Variants in NR2F2 observed in about 807,000 individuals in gnomAD.
NR2F2 encodes the protein nuclear receptor subfamily 2 group F member 2, also known as COUP transcription factor 2.
Under a neutral mutation model 34.8 loss-of-function variants are expected in NR2F2, and 2 were observed. The observed-to-expected ratio is 0.06, with a 90% CI of 0.02 to 0.18. The LOEUF is 0.18. NR2F2 is among the 10% of genes least tolerant of loss of function. The probability of loss-of-function intolerance (pLI) is 1.00; values close to 1 mark genes in which losing one functional copy is unlikely to be tolerated. For synonymous variants in NR2F2, 274 were observed against 251.8 expected, an observed-to-expected ratio of 1.09 and a Z score of -0.84; for missense variants, 300 against 580.1, an observed-to-expected ratio of 0.52 and a Z score of 4.96.
At position 96,339,344 on chromosome 15, in the gene NR2F2, C is replaced by T. The variant is rs1373351167; in HGVS notation, c.*1722C>T. The T allele has an allele frequency of 1.3e-5, 2 of 152,114 alleles. No homozygotes were observed. The highest frequency in any genetic ancestry group is 4.8e-5 in the African/African-American group (2 of 41,408). 9.4% of individuals were successfully genotyped at this position (152,114 alleles called of 1,614,324 possible). On this transcript the variant is annotated 3_prime_UTR_variant, in exon 3 of 3. Coordinates refer to ENST00000394166, the MANE Select transcript of NR2F2 (RefSeq NM_021005.4). ...CGATTTTTTAAAATATTCTGTGATT[C>T]TACTCTAGCGTGGTTGTTGAGAGAG...
chr15:96,339,189 A>G lies in NR2F2; in HGVS notation c.*1567A>G, dbSNP rs1218128789. The G allele has an allele frequency of 1.3e-5, 2 of 152,116 alleles. No individual in the cohort carries two copies. Among genetic ancestry groups the G allele is most frequent in the Non-Finnish European group, 2.9e-5 (2 of 68,010 alleles). 9.4% of individuals were successfully genotyped at this position (152,116 alleles called of 1,614,324 possible). A position where few individuals can be genotyped will look rare whatever the true frequency, so the allele number is the denominator to read the frequency against. ...ATTAGAAATCTTGAGATCAGTATCT[A>G]TTTTATGATCAGAAAAAAATACTCT... On this transcript the variant is annotated 3_prime_UTR_variant, in exon 3 of 3. Transcript: ENST00000394166.
chr15:96,339,499 C>T lies in NR2F2; in HGVS notation c.*1877C>T, dbSNP rs1471671267. The T allele has an allele frequency of 6.6e-6, 1 of 152,086 alleles. No homozygotes were observed. The highest frequency in any genetic ancestry group is 1.5e-5 in the Non-Finnish European group (1 of 68,014). 9.4% of individuals were successfully genotyped at this position (152,086 alleles called of 1,614,324 possible). On this transcript the variant is annotated 3_prime_UTR_variant, in exon 3 of 3. Coordinates refer to ENST00000394166, the MANE Select transcript of NR2F2 (RefSeq NM_021005.4). ...GTCTGTGAGAGCATGACCACAGGGT[C>T]AAGGGAATCTTTTCCATTGGAGTTA...
rs1015840699 is a variant in NR2F2 at position 96,331,329 on chromosome 15, C to G, written c.-777C>G. The G allele has an allele frequency of 2.5e-4, 301 of 1,193,288 alleles. 1 individual carries two copies. The highest frequency in any genetic ancestry group is 2.9e-4 in the Non-Finnish European group (282 of 963,368). The allele number at this position is 1,193,288 out of a possible 1,614,324, so 73.9% of individuals were successfully genotyped here. ...CGCCAGGACGACGCCGCGCAGCGCC[C>G]GACGCGGACCACTTTCATGCTGATT... On this transcript the variant is annotated 5_prime_UTR_variant, in exon 1 of 3. Coordinates refer to ENST00000394166, the MANE Select transcript of NR2F2 (RefSeq NM_021005.4).
At chr15:96,337,243 C>A in intron 2 of NR2F2, 105 bp from the exon 3 acceptor site, 1 of 1,345,316 alleles carries the variant, frequency 7.4e-7, no homozygotes, top group Non-Finnish European at 1.0e-6. Context: ...GCACACACCT[C>A]ATGTGACCCA....
rs1899405454 is a variant in NR2F2 at position 96,338,656 on chromosome 15, GT to G, written c.*1037del. On this transcript the variant is annotated 3_prime_UTR_variant, in exon 3 of 3. Transcript: ENST00000394166. Reference sequence around the variant, plus strand: ...TTGATTCAGTATCTTAGAGTTTACAGTTTGTGTTTTAAAAAAACTGAAGGTT... The same window carrying G: ...TTGATTCAGTATCTTAGAGTTTACAGTTGTGTTTTAAAAAAACTGAAGGTT... 6.6e-6 allele frequency: 1 copy of G among 152,170 alleles called. No individual in the cohort carries two copies. The highest frequency in any genetic ancestry group is 2.4e-5 in the African/African-American group (1 of 41,310). 9.4% of individuals were successfully genotyped at this position (152,170 alleles called of 1,614,324 possible).
upstream of NR2F2, among the ~76,000 whole-genome samples, chr15:96,330,022 GTTAA>G (rs1338233990): frequency 1.3e-5 from 2 of 152,288 alleles, no homozygotes; most frequent in East Asian, 3.9e-4. Context: ...AGTGATCAGA[GTTAA>G]TTAAGAGAAG....
chr15:96,330,921 C>A lies in NR2F2; in HGVS notation c.-1185C>A, dbSNP rs1423296497. On this transcript the variant is annotated 5_prime_UTR_variant, in exon 1 of 3. Transcript: ENST00000394166. ...TTTCCCCTCTTTCATTCTTTCTCTC[C>A]GTCTTTTTCTCCCCCCTCTGCGCAC... is the stretch of plus-strand genomic sequence containing the variant. The A allele has an allele frequency of 8.9e-7, 1 of 1,129,780 alleles. No individual in the cohort carries two copies. The highest frequency in any genetic ancestry group is 1.1e-6 in the Non-Finnish European group (1 of 920,884). 70.0% of individuals were successfully genotyped at this position (1,129,780 alleles called of 1,614,324 possible). A position where few individuals can be genotyped will look rare whatever the true frequency, so the allele number is the denominator to read the frequency against.
rs757765199 is a variant in NR2F2 at position 96,334,428 on chromosome 15, C to T, written c.795C>T (p.His265=). The T allele has an allele frequency of 1.2e-6, 2 of 1,613,914 alleles. No homozygotes were observed. Among genetic ancestry groups the T allele is most frequent in the South Asian group, 1.1e-5 (1 of 91,062 alleles). The change falls in exon 2 of 3, where the codon CAC becomes CAT. Residue 265 remains histidine (H), a synonymous_variant. Transcript: ENST00000394166. ...LNAAQCSMPL[H]VAPLLAAAGL... ...CGGCGCAGTGCTCCATGCCCCTCCA[C>T]GTCGCCCCGCTCCTGGCCGCCGCCG...
In NR2F2 at chr15:96,332,303, G is replaced by C. The variant is rs1463614741; in HGVS notation, c.198G>C (p.Pro66=). Reference sequence around the variant, plus strand: ...GTGGCCAGGGCGGCCCTGGCGGCCCGGGTAGCGACAAGCAGCAGCAGCAGC... The same window carrying C: ...GTGGCCAGGGCGGCCCTGGCGGCCCCGGTAGCGACAAGCAGCAGCAGCAGC... The part of the protein sequence containing the change: ...AAGGQGGPGG[P]GSDKQQQQQH... Residue 66 remains proline (P), a synonymous_variant, in exon 1 of 3, where the codon CCG becomes CCC. Coordinates refer to ENST00000394166, the MANE Select transcript of NR2F2 (RefSeq NM_021005.4). The C allele has an allele frequency of 3.2e-6, 5 of 1,578,692 alleles. No individual in the cohort carries two copies. Among genetic ancestry groups the C allele is most frequent in the Non-Finnish European group, 2.6e-6 (3 of 1,163,092 alleles).
In NR2F2 at chr15:96,339,824, T is replaced by G. The variant is rs1899448725; in HGVS notation, c.*2202T>G. 6.6e-6 allele frequency: 1 copy of G among 151,646 alleles called. No individual in the cohort carries two copies. Among genetic ancestry groups the G allele is most frequent in the Non-Finnish European group, 1.5e-5 (1 of 67,958 alleles). The allele number at this position is 151,646 out of a possible 1,614,324, so 9.4% of individuals were successfully genotyped here. ...TTCCAACCCACCCCCCCACCGCCAG[T>G]ACTTCATCATGTTGTGGTTTAATTC... On this transcript the variant is annotated 3_prime_UTR_variant, in exon 3 of 3. Transcript: ENST00000394166.
chr15:96,330,219 T>C (rs1257140557), upstream of NR2F2, among the ~76,000 whole-genome samples: 1 of 152,106 alleles, frequency 6.6e-6, no homozygotes, highest in African/African-American at 2.4e-5. Flanking sequence ...GCGGAATTCG[T>C]GACATCGCCA....
Position 96,330,902 on chromosome 15 carries a change from C to T in NR2F2, c.-1204C>T, listed in dbSNP as rs991769551. 1.8e-6 allele frequency: 2 copies of T among 1,142,532 alleles called. No individual in the cohort carries two copies. The highest frequency in any genetic ancestry group is 3.3e-5 in the African/African-American group (2 of 60,846). The allele number at this position is 1,142,532 out of a possible 1,614,324, so 70.8% of individuals were successfully genotyped here. ...CGGGTGCCGTACTGCCTTTTTTCCC[C>T]TCTTTCATTCTTTCTCTCCGTCTTT... On this transcript the variant is annotated 5_prime_UTR_variant, in exon 1 of 3. Coordinates refer to ENST00000394166, the MANE Select transcript of NR2F2 (RefSeq NM_021005.4).
At chr15:96,327,768 T>C (rs546052162), upstream of NR2F2, among the ~76,000 whole-genome samples, 1 of 152,350 alleles carries the variant, frequency 6.6e-6, no homozygotes, top group East Asian at 1.9e-4. Flanking sequence ...TGTGATTCAA[T>C]CTGTAAAGAA....
Position 96,331,282 on chromosome 15 carries a change from G to GGCC in NR2F2, c.-822_-821insCGC. On this transcript the variant is annotated 5_prime_UTR_variant, in exon 1 of 3. Transcript: ENST00000394166. ...AGGCGCGCGCCGGACGCCCGGGGCA[G>GGCC]GCGGCGGCGGCGGCGGCCCAGCGCC... The GGCC allele has an allele frequency of 2.0e-6, 2 of 1,016,046 alleles. No individual in the cohort carries two copies. Among genetic ancestry groups the GGCC allele is most frequent in the South Asian group, 9.0e-5 (2 of 22,320 alleles). 62.9% of individuals were successfully genotyped at this position (1,016,046 alleles called of 1,614,324 possible).
At chr15:96,333,253 A>G in intron 1 of NR2F2, 2 of 793,002 alleles carry the variant, frequency 2.5e-6, no homozygotes, top group Non-Finnish European at 1.6e-6. Context: ...TGCTTTGCCA[A>G]TGGCGCGCTC....
chr15:96,330,937 C>G lies in NR2F2; in HGVS notation c.-1169C>G. The G allele has an allele frequency of 1.8e-6, 2 of 1,139,602 alleles. No homozygotes were observed. Among genetic ancestry groups the G allele is most frequent in the African/African-American group, 3.3e-5 (2 of 60,918 alleles). The allele number at this position is 1,139,602 out of a possible 1,614,324, so 70.6% of individuals were successfully genotyped here. A position where few individuals can be genotyped will look rare whatever the true frequency, so the allele number is the denominator to read the frequency against. On this transcript the variant is annotated 5_prime_UTR_variant, in exon 1 of 3. Transcript: ENST00000394166. ...CTTTCTCTCCGTCTTTTTCTCCCCC[C>G]TCTGCGCACGAAGGATGTGCTTCTA...
chr15:96,330,300 C>T (rs939680985), upstream of NR2F2, among the ~76,000 whole-genome samples: 1 of 152,200 alleles, frequency 6.6e-6, no homozygotes, highest in Admixed American at 6.5e-5. Flanking sequence ...GTTGTGTGTG[C>T]GCGCTGCGCT....
In NR2F2 at chr15:96,337,611, G is replaced by C. The variant is rs201527820; in HGVS notation, c.1234G>C (p.Ala412Pro). Reference protein sequence around the residue: ...SGSSFNWPYMAIQ With the variant: ...SGSSFNWPYMPIQ Reference sequence around the variant, plus strand: ...CAGCAGTTTTAACTGGCCGTATATGGCAATTCAATAAATAAATAAAATAAG... The same window carrying C: ...CAGCAGTTTTAACTGGCCGTATATGCCAATTCAATAAATAAATAAAATAAG... The change falls in exon 3 of 3, where the codon GCA becomes CCA. Residue 412 changes from alanine (A) to proline (P), a missense_variant. Physicochemically the swap from Ala to Pro is conservative, Grantham distance 27 (BLOSUM62 -1). Coordinates refer to ENST00000394166, the MANE Select transcript of NR2F2 (RefSeq NM_021005.4). 3 of 1,611,246 alleles carry C rather than the reference G, an allele frequency of 1.9e-6. No homozygotes were observed. In the African/African-American group the frequency reaches 4.0e-5, roughly 22 times the overall value.
intron 2 of NR2F2, 67 bp from the exon 3 acceptor site, chr15:96,337,281 A>ATTCTTCTTC (rs3833035): frequency 6.7e-6 from 10 of 1,499,060 alleles, no homozygotes; most frequent in African/African-American, 4.2e-5. Flanking sequence ...TGATGACTGA[A>ATTCTTCTTC]TTCTTCTTCT....
Sources: allele counts gnomAD v4.1 joint callset (sites outside exome capture counted in the v4.1 genomes callset), GRCh38; gene constraint gnomAD v4.1.1; transcripts MANE v1.5; gene names NCBI Gene and HGNC (gene_info 2026-07-23, HGNC 2026-07-21).